The following CADM2 variants were observed in gnomAD, a reference collection of about 807,000 sequenced individuals.
CADM2 encodes immunoglobulin superfamily member 4D.
A neutral mutation model predicts 49.8 loss-of-function variants in CADM2; 12 were observed. That is an observed-to-expected ratio of 0.24 (90% confidence interval 0.15 to 0.39). The LOEUF is 0.39. Among genes scored for constraint, CADM2 ranks in the 10% least tolerant of loss-of-function variants. The pLI, the probability that CADM2 is intolerant of heterozygous loss-of-function variation, is 1.00. For synonymous variants in CADM2, 214 were observed against 175.4 expected (o/e 1.22, Z -1.74); for missense variants, 378 against 492.3 (o/e 0.77, Z 2.20).
intron 1 of CADM2, among the ~76,000 whole-genome samples, chr3:85,304,000 G>C (rs1199766786): frequency 6.6e-6 from 1 of 151,870 alleles, no homozygotes; most frequent in Non-Finnish European, 1.5e-5. Context: ...ACATACAAAA[G>C]TCTTAGAGAT....
intron 1 of CADM2, among the ~76,000 whole-genome samples, chr3:85,585,281 T>C (rs2062909332): frequency 6.6e-6 from 1 of 151,962 alleles, no homozygotes; most frequent in Admixed American, 6.6e-5. Flanking sequence ...GGATCCACAG[T>C]GGATCCAAAG....
intron 1 of CADM2, among the ~76,000 whole-genome samples, chr3:85,075,082 A>G (rs937050646): frequency 6.6e-6 from 1 of 152,174 alleles, no homozygotes; most frequent in African/African-American, 2.4e-5. Flanking sequence ...AAAAAAGAAC[A>G]AATACTTGAG....
intron 1 of CADM2, among the ~76,000 whole-genome samples, chr3:85,276,487 A>T (rs1423421159): frequency 6.6e-6 from 1 of 151,346 alleles, no homozygotes. Context: ...TGACTCAGTA[A>T]CTTCTCACAT....
chr3:85,986,500 A>G (rs1728133791), intron 8 of CADM2, among the ~76,000 whole-genome samples: 1 of 151,984 alleles, frequency 6.6e-6, no homozygotes, highest in Admixed American at 6.6e-5. Flanking sequence ...AATTTGCACA[A>G]TGTTGTGAGC....
At chr3:85,320,931 A>AT (rs71108274) in intron 1 of CADM2, among the ~76,000 whole-genome samples, 45,788 of 148,834 alleles carry the variant, frequency 0.31, 7,859 homozygotes, top group Admixed American at 0.47. Flanking sequence ...TTTCTGTTAG[A>AT]TTTTTTTTTA....
intron 1 of CADM2, among the ~76,000 whole-genome samples, chr3:85,327,589 CCACA>C (rs1553709187): frequency 6.9e-5 from 8 of 115,276 alleles, no homozygotes; most frequent in African/African-American, 1.5e-4. Context: ...CACACACACA[CCACA>C]CACACACACA....
chr3:85,409,592 A>G (rs1426732529), intron 1 of CADM2, among the ~76,000 whole-genome samples: 2 of 152,104 alleles, frequency 1.3e-5, no homozygotes, highest in Non-Finnish European at 2.9e-5. Context: ...AAGTCATATG[A>G]TCCAACGTGA....
intron 1 of CADM2, among the ~76,000 whole-genome samples, chr3:85,508,466 C>G (rs1004999849): frequency 6.6e-6 from 1 of 152,108 alleles, no homozygotes; most frequent in Non-Finnish European, 1.5e-5. Context: ...TTTAAAAAGG[C>G]AAACACTTTT....
intron 2 of CADM2, among the ~76,000 whole-genome samples, chr3:85,769,242 A>ATACACATG (rs1559643911): frequency 4.6e-4 from 46 of 99,904 alleles, no homozygotes; most frequent in South Asian, 5.5e-4. Flanking sequence ...ATATACACAT[A>ATACACATG]TATACATATA....
chr3:85,983,983 T>TTA lies in CADM2; in HGVS notation c.970+22345_970+22346dup, dbSNP rs199697728. 6.6e-5 allele frequency among the ~76,000 whole-genome samples: 10 copies of TTA among 150,448 alleles called. No individual in the cohort carries two copies. The East Asian group carries it at 1.2e-3, about 18-fold the overall frequency. ...GGCCTAACCAACCTTAAAATTCAGA[T>TTA]TATATATATACATATGTGTATATAT... is the stretch of plus-strand genomic sequence containing the variant. On this transcript the variant is annotated intron_variant, in intron 8 of 9. Coordinates refer to ENST00000383699, the MANE Select transcript of CADM2 (RefSeq NM_001167675.2).
At chr3:85,232,358 C>G (rs958340602) in intron 1 of CADM2, among the ~76,000 whole-genome samples, 1 of 151,928 alleles carries the variant, frequency 6.6e-6, no homozygotes, top group Non-Finnish European at 1.5e-5. Context: ...GATTATATAT[C>G]TCATACAAAT....
intron 1 of CADM2, among the ~76,000 whole-genome samples, chr3:85,472,188 C>T (rs79528523): frequency 0.016 from 2,394 of 151,896 alleles, 78 homozygotes; most frequent in African/African-American, 0.055. Context: ...TTCTTTTTTA[C>T]TTAATATCAT....
chr3:85,719,289 A>G (rs998176242), intron 1 of CADM2, among the ~76,000 whole-genome samples: 1 of 152,194 alleles, frequency 6.6e-6, no homozygotes, highest in African/African-American at 2.4e-5. Context: ...TATATACATT[A>G]TCATATTAAA....
chr3:85,900,583 G>A (rs558780730), intron 5 of CADM2, among the ~76,000 whole-genome samples: 13 of 152,210 alleles, frequency 8.5e-5, no homozygotes, highest in Admixed American at 4.6e-4. Context: ...ATTGACCAAA[G>A]AAATTGCTTC....
Position 85,182,699 on chromosome 3 carries a change from C to T in CADM2, c.61+223031C>T, listed in dbSNP as rs193091982. 1.2e-4 allele frequency among the ~76,000 whole-genome samples: 18 copies of T among 151,962 alleles called. 1 individual carries two copies. The highest frequency in any genetic ancestry group is 3.9e-4 in the East Asian group (2 of 5,178). ...TGAATAGTTTATAGAACCCTATATACGGTTGCATGTCTCTTGTAAATCCAA... is the reference window on the plus strand; with the variant it reads ...TGAATAGTTTATAGAACCCTATATATGGTTGCATGTCTCTTGTAAATCCAA... On this transcript the variant is annotated intron_variant, in intron 1 of 9. Coordinates refer to ENST00000383699, the MANE Select transcript of CADM2 (RefSeq NM_001167675.2).
chr3:85,547,378 C>T (rs1348772576), intron 1 of CADM2, among the ~76,000 whole-genome samples: 1 of 152,112 alleles, frequency 6.6e-6, no homozygotes, highest in Non-Finnish European at 1.5e-5. Flanking sequence ...AGTGAATTAT[C>T]CAAATAATTA....
At chr3:85,215,530 T>C (rs543553687) in intron 1 of CADM2, among the ~76,000 whole-genome samples, 5 of 152,140 alleles carry the variant, frequency 3.3e-5, no homozygotes, top group African/African-American at 1.2e-4. Flanking sequence ...CTGTGATCTG[T>C]GTTTTCTGGG....
At chr3:85,885,524 G>A (rs556962177) in intron 4 of CADM2, among the ~76,000 whole-genome samples, 6 of 151,712 alleles carry the variant, frequency 4.0e-5, no homozygotes, top group Admixed American at 1.3e-4. Context: ...TCTACTAAAC[G>A]TACAAAAATT....
At chr3:85,206,457 G>A (rs1327714957) in intron 1 of CADM2, among the ~76,000 whole-genome samples, 3 of 151,676 alleles carry the variant, frequency 2.0e-5, no homozygotes, top group South Asian at 4.2e-4. Context: ...ACAGGCGCCC[G>A]TCACCACGCC....
Sources: gnomAD v4.1 joint callset for allele counts (sites outside exome capture counted in the v4.1 genomes callset) on GRCh38, gnomAD v4.1.1 for gene constraint, MANE v1.5 for transcripts, NCBI Gene and HGNC (gene_info 2026-07-23, HGNC 2026-07-21) for gene names.